Variants in PKP3 observed in about 807,000 individuals in gnomAD.
The protein encoded by PKP3 is plakophilin 3, also known as plakophilin-3.
Under a neutral mutation model 76.5 loss-of-function variants are expected in PKP3, and 66 were observed. The observed-to-expected ratio is 0.86, with a 90% CI of 0.71 to 1.06. The LOEUF is 1.06. Ranked by LOEUF, PKP3 falls within the 50% of genes least tolerant of loss-of-function variation. The pLI is 0.00. For synonymous variants in PKP3, 638 were observed against 516.5 expected, an observed-to-expected ratio of 1.24 and a Z score of -3.19; for missense variants, 1,338 against 1,141.0, an observed-to-expected ratio of 1.17 and a Z score of -2.49.
In PKP3 at chr11:400,403, G is replaced by A. The variant is rs1255865550; in HGVS notation, c.1518G>A (p.Leu506=). Residue 506 remains leucine (L), a synonymous_variant, in exon 7 of 13, where the codon CTG becomes CTA. Coordinates refer to ENST00000331563, the MANE Select transcript of PKP3 (RefSeq NM_007183.4). ...AGTGCCACGGGCTGGTGGACGCCCTGGTCACCTCTATCAACCACGCCCTGG... is the reference window on the plus strand; with the variant it reads ...AGTGCCACGGGCTGGTGGACGCCCTAGTCACCTCTATCAACCACGCCCTGG... ...MRECHGLVDA[L]VTSINHALDA... The A allele has an allele frequency of 6.5e-7, 1 of 1,548,824 alleles. No homozygotes were observed. The highest frequency in any genetic ancestry group is 2.4e-5 in the East Asian group (1 of 40,884).
Position 399,077 on chromosome 11 carries a change from T to G in PKP3, c.1154T>G (p.Met385Arg). The G allele has an allele frequency of 6.2e-7, 1 of 1,611,700 alleles. No individual in the cohort carries two copies. The highest frequency in any genetic ancestry group is 8.5e-7 in the Non-Finnish European group (1 of 1,179,266). The change falls in exon 5 of 13, where the codon ATG becomes AGG. Residue 385 changes from methionine (M) to arginine (R), a missense_variant. By Grantham distance (91) the Met-to-Arg change is moderately conservative. Coordinates refer to ENST00000331563, the MANE Select transcript of PKP3 (RefSeq NM_007183.4). ...QEVQRHATGA[M>R]RNLIYDNADN... is the part of the protein sequence containing the mutation. ...GTGCAGCGCCATGCCACAGGTGCCA[T>G]GCGCAACCTCATCTACGACAACGCT...
upstream of PKP3, chr11:393,349 T>G (rs1481778931): frequency 6.6e-6 from 1 of 152,244 alleles, no homozygotes; most frequent in African/African-American, 2.4e-5. Context: ...CAGCCTGACA[T>G]GCGCTGACAG....
At chr11:399,865 C>G in intron 5 of PKP3, 102 bp from the exon 6 acceptor site, 4 of 982,544 alleles carry the variant, frequency 4.1e-6, no homozygotes, top group Non-Finnish European at 6.0e-6. Context: ...CACAGAACAC[C>G]AGGCCAGCCC....
At chr11:392,688 G>A (rs576661083), upstream of PKP3, 448 of 1,286,774 alleles carry the variant, frequency 3.5e-4, no homozygotes, top group Admixed American at 8.0e-4. Context: ...GGAGGCTGGC[G>A]GGATCCGGAC....
At position 403,062 on chromosome 11, in the gene PKP3, T is replaced by A. The variant is rs1433560779; in HGVS notation, c.1738-16T>A. The A allele has an allele frequency of 5.3e-6, 7 of 1,327,068 alleles. No individual in the cohort carries two copies. The highest frequency in any genetic ancestry group is 6.8e-6 in the Non-Finnish European group (7 of 1,027,996). 82.2% of individuals were successfully genotyped at this position (1,327,068 alleles called of 1,614,324 possible). A position where few individuals can be genotyped will look rare whatever the true frequency, so the allele number is the denominator to read the frequency against. On this transcript the variant is annotated splice_polypyrimidine_tract_variant and intron_variant, in intron 8 of 12. Coordinates refer to ENST00000331563, the MANE Select transcript of PKP3 (RefSeq NM_007183.4). ...CGCTCACCCCGACCCCGCCGACTCC[T>A]CCCCGCCCTGCGCAGCTGCCCCTCG...
chr11:400,670 G>C lies in PKP3; in HGVS notation c.1702G>C (p.Gly568Arg), dbSNP rs1847139988. The C allele has an allele frequency of 7.5e-7, 1 of 1,327,388 alleles. No individual in the cohort carries two copies. 82.2% of individuals were successfully genotyped at this position (1,327,388 alleles called of 1,614,324 possible). The change falls in exon 8 of 13, where the codon GGC (glycine) becomes CGC (arginine). Residue 568 changes from glycine to arginine, a missense_variant. Physicochemically the swap from Gly to Arg is moderately radical, Grantham distance 125 (BLOSUM62 -2). Coordinates refer to ENST00000331563, the MANE Select transcript of PKP3 (RefSeq NM_007183.4). ...LAGAPPGEVV[G>R]CFTPQSRRLR... ...GGGGGCGCCGCCGGGAGAGGTCGTG[G>C]GCTGCTTCACGCCGCAGAGCCGGCG...
chr11:399,022 G>C lies in PKP3; in HGVS notation c.1099G>C (p.Val367Leu). The change falls in exon 5 of 13, where the codon GTG (valine) becomes CTG (leucine). Residue 367 changes from valine to leucine, a missense_variant. Val to Leu is a conservative substitution (Grantham distance 32). Coordinates refer to ENST00000331563, the MANE Select transcript of PKP3 (RefSeq NM_007183.4). ...CAGCCTTCAGGCCGTGCCTAGGCTG[G>C]TGAAGCTCTTCAACCACGCCAACCA... ...ARSLQAVPRL[V>L]KLFNHANQEV... 1.9e-6 allele frequency: 3 copies of C among 1,601,074 alleles called. No homozygotes were observed. The highest frequency in any genetic ancestry group is 2.2e-5 in the East Asian group (1 of 44,638).
rs774247659 is a variant in PKP3 at position 403,985 on chromosome 11, G to A, written c.2120G>A (p.Ser707Asn). 1 of 1,609,944 alleles carries A rather than the reference G, an allele frequency of 6.2e-7. No homozygotes were observed. The highest frequency in any genetic ancestry group is 1.7e-5 in the Admixed American group (1 of 59,782). The change falls in exon 11 of 13, where the codon AGC becomes AAC. Residue 707 changes from serine to asparagine, a missense_variant. By Grantham distance (46) the Ser-to-Asn change is conservative (BLOSUM62 1). Transcript: ENST00000331563. ...VSHLIEKLPGSVGEKSPPAEV... is the reference protein window; with the variant it reads ...VSHLIEKLPGNVGEKSPPAEV... ...CACCTGATCGAGAAGCTGCCGGGCAGCGTGGGTGAGAAGTCGCCCCCAGCC... is the reference window on the plus strand; with the variant it reads ...CACCTGATCGAGAAGCTGCCGGGCAACGTGGGTGAGAAGTCGCCCCCAGCC...
In PKP3 at chr11:397,455, T is replaced by G. The variant is rs780810098; in HGVS notation, c.944+10T>G. 4 of 1,611,880 alleles carry G rather than the reference T, an allele frequency of 2.5e-6. No individual in the cohort carries two copies. Among genetic ancestry groups the G allele is most frequent in the Non-Finnish European group, 3.4e-6 (4 of 1,179,604 alleles). ...AGAGACTCAGCAGCGGGTGAGCGGC[T>G]GGGCCCGGCTCAGGGAGGGGGCTTC... On this transcript the variant is annotated intron_variant, in intron 3 of 12. Transcript: ENST00000331563.
rs760438967 is a variant in PKP3, at chr11:403,132, G to C, written c.1792G>C (p.Gly598Arg). Residue 598 changes from glycine (G) to arginine (R), a missense_variant, in exon 9 of 13, where the codon GGC becomes CGC. Physicochemically the swap from Gly to Arg is moderately radical, Grantham distance 125 (BLOSUM62 -2). Transcript: ENST00000331563. ...TFAEVSKDPK[G>R]LEWLWSPQIV... The stretch of plus-strand genomic sequence containing the variant: ...CGCGGAGGTGTCCAAGGACCCCAAG[G>C]GCCTCGAGTGGCTGTGGAGCCCCCA... 1.3e-6 allele frequency: 2 copies of C among 1,572,028 alleles called. No individual in the cohort carries two copies. The highest frequency in any genetic ancestry group is 1.9e-5 in the Admixed American group (1 of 53,766).
At position 403,138 on chromosome 11, in the gene PKP3, G is replaced by T; in HGVS notation, c.1798G>T (p.Glu600Ter). Residue 600 changes from glutamate (E) to a stop codon, truncating the protein, a stop_gained, in exon 9 of 13, where the codon GAG becomes TAG. Transcript: ENST00000331563. LOFTEE classifies it high-confidence loss of function. ...GGTGTCCAAGGACCCCAAGGGCCTCGAGTGGCTGTGGAGCCCCCAGATCGT... is the reference window on the plus strand; with the variant it reads ...GGTGTCCAAGGACCCCAAGGGCCTCTAGTGGCTGTGGAGCCCCCAGATCGT... ...AEVSKDPKGL[E>*]WLWSPQIVGL... The T allele has an allele frequency of 1.9e-6, 3 of 1,574,850 alleles. No individual in the cohort carries two copies. Among genetic ancestry groups the T allele is most frequent in the South Asian group, 1.2e-5 (1 of 86,348 alleles).
chr11:399,258 CT>C (rs1379185217), intron 5 of PKP3, 62 bp downstream of exon 5: 9 of 1,107,684 alleles, frequency 8.1e-6, no homozygotes, highest in Middle Eastern at 3.1e-4. Flanking sequence ...CCTATCCCCC[CT>C]GCCTTCCTCC....
Position 399,105 on chromosome 11 carries a change from C to G in PKP3, c.1182C>G (p.Asp394Glu), listed in dbSNP as rs1368517391. The part of the protein sequence containing the change: ...AMRNLIYDNA[D>E]NKLALVEENG... ...GCAACCTCATCTACGACAACGCTGA[C>G]AACAAGCTGGCCCTGGTGGAGGAGA... The change falls in exon 5 of 13, where the codon GAC (aspartate) becomes GAG (glutamate). Residue 394 changes from aspartate (D) to glutamate (E), a missense_variant. Physicochemically the swap from Asp to Glu is conservative, Grantham distance 45. Coordinates refer to ENST00000331563, the MANE Select transcript of PKP3 (RefSeq NM_007183.4). 5 of 1,611,946 alleles carry G rather than the reference C, an allele frequency of 3.1e-6. No individual in the cohort carries two copies. Among genetic ancestry groups the G allele is most frequent in the East Asian group, 2.2e-5 (1 of 44,874 alleles).
At chr11:398,381 C>G (rs1418381855) in intron 4 of PKP3, among the ~76,000 whole-genome samples, 1 of 5,252 alleles carries the variant, frequency 1.9e-4, no homozygotes, top group Non-Finnish European at 3.0e-4. Context: ...CGTCACCTCC[C>G]TACCCCCGCA....
At position 404,287 on chromosome 11, in the gene PKP3, G is replaced by A; in HGVS notation, c.2322G>A (p.Leu774=). 1.2e-6 allele frequency: 2 copies of A among 1,612,628 alleles called. No individual in the cohort carries two copies. Among genetic ancestry groups the A allele is most frequent in the Non-Finnish European group, 1.7e-6 (2 of 1,179,872 alleles). Residue 774 remains leucine, a synonymous_variant, in exon 12 of 13, where the codon CTG becomes CTA. Transcript: ENST00000331563. The surrounding 1 kb of genome is among the most constrained non-coding windows in gnomAD (Gnocchi z 4.2). ...SRAASSLLAN[L]WQYNKLHRDF... is the part of the protein sequence containing the mutation. ...CAGCATCCAGCCTCCTGGCCAACCTGTGGCAGTACAACAAGCTCCACCGTG... is the reference window on the plus strand; with the variant it reads ...CAGCATCCAGCCTCCTGGCCAACCTATGGCAGTACAACAAGCTCCACCGTG...
In PKP3 at chr11:403,761, G is replaced by A; in HGVS notation, c.2067G>A (p.Lys689=). ...IRNLSRNARN[K]DEMSTKVVSH... ...ACCTGTCTCGGAACGCTAGGAACAAGGACGAGATGTGTGAGTCGGGCAGCC... is the reference window on the plus strand; with the variant it reads ...ACCTGTCTCGGAACGCTAGGAACAAAGACGAGATGTGTGAGTCGGGCAGCC... Residue 689 remains lysine (K), a synonymous_variant, in exon 10 of 13, where the codon AAG becomes AAA. Transcript: ENST00000331563. 2 of 1,607,108 alleles carry A rather than the reference G, an allele frequency of 1.2e-6. No individual in the cohort carries two copies. The highest frequency in any genetic ancestry group is 1.7e-4 in the Middle Eastern group (1 of 6,060).
In PKP3 at chr11:400,716, G is replaced by C. The variant is rs1323668278; in HGVS notation, c.1737+11G>C. 2 of 1,234,956 alleles carry C rather than the reference G, an allele frequency of 1.6e-6. No individual in the cohort carries two copies. The highest frequency in any genetic ancestry group is 2.0e-6 in the Non-Finnish European group (2 of 983,900). 76.5% of individuals were successfully genotyped at this position (1,234,956 alleles called of 1,614,324 possible). ...CGGCGGCTGCGCGAGGTGGGCACCA[G>C]CCTGAGCGGGGCGTGGGGTGGGTGC... On this transcript the variant is annotated intron_variant, in intron 8 of 12. Transcript: ENST00000331563.
rs1359082229 is a variant in PKP3, at chr11:400,445, G to A, written c.1560G>A (p.Glu520=). 3.9e-6 allele frequency: 6 copies of A among 1,545,222 alleles called. No individual in the cohort carries two copies. Among genetic ancestry groups the A allele is most frequent in the East Asian group, 4.9e-5 (2 of 40,806 alleles). ...ACGCCCTGGACGCGGGCAAATGCGA[G>A]GACAAGGTGAGGGGCGCGGTGTGGA... is the stretch of plus-strand genomic sequence containing the variant. ...INHALDAGKC[E]DKSVENAVCV... The change falls in exon 7 of 13, where the codon GAG becomes GAA. Residue 520 remains glutamate (E), a synonymous_variant. Transcript: ENST00000331563.
In PKP3 at chr11:403,232, C is replaced by T. The variant is rs868146998; in HGVS notation, c.1892C>T (p.Ala631Val). ...NRHTTEAAAG[A>V]LQNITAGDRR... ...CACACGACGGAGGCGGCCGCCGGGG[C>T]GCTGCAGAACATCACGGCAGGCGAC... The change falls in exon 9 of 13, where the codon GCG (alanine) becomes GTG (valine). Residue 631 changes from alanine to valine, a missense_variant. Coordinates refer to ENST00000331563, the MANE Select transcript of PKP3 (RefSeq NM_007183.4). 6.3e-7 allele frequency: 1 copy of T among 1,587,454 alleles called. No individual in the cohort carries two copies.
Sources: gnomAD v4.1 joint callset for allele counts (sites outside exome capture counted in the v4.1 genomes callset) on GRCh38, gnomAD v4.1.1 for gene constraint, Gnocchi (gnomAD v3.1) non-coding constraint, MANE v1.5 for transcripts, NCBI Gene and HGNC (gene_info 2026-07-23, HGNC 2026-07-21) for gene names.